The following MSI2 variants were observed in gnomAD, a reference collection of about 807,000 sequenced individuals.
MSI2 encodes RNA-binding protein Musashi homolog 2.
A neutral mutation model predicts 45.6 loss-of-function variants in MSI2; 17 were observed. The ratio of observed to expected loss-of-function variants is 0.37; its 90% confidence interval spans 0.26 to 0.56. The LOEUF (loss-of-function observed/expected upper bound fraction) is 0.56, where lower values mean the gene tolerates loss of function less well. MSI2 is among the 20% of genes least tolerant of loss of function. The probability of loss-of-function intolerance (pLI) is 0.77; values close to 1 mark genes in which losing one functional copy is unlikely to be tolerated. For missense variants in MSI2, 293 were observed against 444.2 expected (o/e 0.66, Z 3.06); for synonymous variants, 156 against 158.2 (o/e 0.99, Z 0.11).
chr17:57,449,011 C>T (rs1481921271), intron 6 of MSI2: 1 of 152,248 alleles, frequency 6.6e-6, no homozygotes, highest in Non-Finnish European at 1.5e-5. Flanking sequence ...TCTTTGTTAT[C>T]ATGAGCGGCA....
At chr17:57,258,426 G>T (rs1174698703) in intron 4 of MSI2, 72 bp downstream of exon 4, 1 of 1,218,364 alleles carries the variant, frequency 8.2e-7, no homozygotes, top group African/African-American at 1.5e-5. Context: ...CCCATTTAAA[G>T]GGACAGTGCC....
chr17:57,514,804 G>A (rs951797919), intron 6 of MSI2, among the ~76,000 whole-genome samples: 1 of 151,948 alleles, frequency 6.6e-6, no homozygotes, highest in Non-Finnish European at 1.5e-5. Flanking sequence ...TGATTTGGGT[G>A]TAAGGAGTAG....
At chr17:57,542,776 G>A (rs1158515813) in intron 7 of MSI2, among the ~76,000 whole-genome samples, 1 of 152,242 alleles carries the variant, frequency 6.6e-6, no homozygotes, top group Non-Finnish European at 1.5e-5. Flanking sequence ...TGTCTGGGCA[G>A]TCTGGCACGT....
intron 5 of MSI2, among the ~76,000 whole-genome samples, chr17:57,292,069 C>A (rs1481234643): frequency 6.6e-6 from 1 of 151,820 alleles, no homozygotes; most frequent in Non-Finnish European, 1.5e-5. Flanking sequence ...TGGGCGAGAC[C>A]TGCGTGAAAA....
At chr17:57,570,058 C>T (rs1477196921) in intron 7 of MSI2, among the ~76,000 whole-genome samples, 1 of 152,174 alleles carries the variant, frequency 6.6e-6, no homozygotes, top group African/African-American at 2.4e-5. Flanking sequence ...ATGGGACGCT[C>T]ATATGATGGA....
intron 5 of MSI2, among the ~76,000 whole-genome samples, chr17:57,286,381 C>T (rs1279824262): frequency 3.3e-5 from 5 of 152,076 alleles, no homozygotes; most frequent in African/African-American, 1.2e-4. Context: ...CCTCGACGGT[C>T]GCTAATAAGA....
chr17:57,575,133 T>G, intron 7 of MSI2, among the ~76,000 whole-genome samples: 1 of 150,226 alleles, frequency 6.7e-6, no homozygotes. Context: ...CCCGGCCGCA[T>G]TCTCTTTTTT....
intron 5 of MSI2, among the ~76,000 whole-genome samples, chr17:57,288,741 T>TTTGA (rs1270221649): frequency 6.6e-6 from 1 of 152,132 alleles, no homozygotes; most frequent in Non-Finnish European, 1.5e-5. Context: ...AGTGTGAGCG[T>TTTGA]TTGATTACCT....
In MSI2 at chr17:57,681,373, A is replaced by T. The variant is rs1204468203; in HGVS notation, c.*1856A>T. On this transcript the variant is annotated 3_prime_UTR_variant, in exon 14 of 14. Coordinates refer to ENST00000284073, the MANE Select transcript of MSI2 (RefSeq NM_138962.4). ...TTTTAAAATGTGATATTGACGTTTT[A>T]TTAATATTTTTTAAATTGTTACGTT... 5.6e-6 allele frequency: 1 copy of T among 179,474 alleles called. No homozygotes were observed. The highest frequency in any genetic ancestry group is 1.2e-5 in the Non-Finnish European group (1 of 83,814). The allele number at this position is 179,474 out of a possible 1,614,324, so 11.1% of individuals were successfully genotyped here.
intron 7 of MSI2, among the ~76,000 whole-genome samples, chr17:57,560,776 C>T (rs554754271): frequency 6.6e-6 from 1 of 152,354 alleles, no homozygotes; most frequent in South Asian, 2.1e-4. Context: ...TACGGTTCCT[C>T]GCAGCTCAGT....
chr17:57,267,284 A>T (rs1045506526), intron 5 of MSI2: 26 of 152,188 alleles, frequency 1.7e-4, no homozygotes, highest in African/African-American at 5.8e-4. Context: ...GTCGGTGAGC[A>T]CCGCTCCTTC....
chr17:57,361,875 C>T (rs1310808931), intron 5 of MSI2, among the ~76,000 whole-genome samples: 1 of 152,182 alleles, frequency 6.6e-6, no homozygotes, highest in African/African-American at 2.4e-5. Flanking sequence ...TGCCCTAAGG[C>T]CCTGTCCTGG....
intron 5 of MSI2, among the ~76,000 whole-genome samples, chr17:57,294,457 C>G (rs1429217985): frequency 6.6e-6 from 1 of 152,178 alleles, no homozygotes; most frequent in Non-Finnish European, 1.5e-5. Flanking sequence ...TATTCTTGGG[C>G]AACTCTTTGC....
chr17:57,552,023 G>C lies in MSI2; in HGVS notation c.454+22299G>C, dbSNP rs1286151437. 6.6e-6 allele frequency among the ~76,000 whole-genome samples: 1 copy of C among 152,192 alleles called. No homozygotes were observed. Among genetic ancestry groups the C allele is most frequent in the Non-Finnish European group, 1.5e-5 (1 of 68,040 alleles). ...CCTCCTACTCCACTTGCTGCATAGA[G>C]GGGTTTTCTGGAACAGAGAATGTGC... On this transcript the variant is annotated intron_variant, in intron 7 of 13. Coordinates refer to ENST00000284073, the MANE Select transcript of MSI2 (RefSeq NM_138962.4). The surrounding 1 kb of genome is among the most constrained non-coding windows in gnomAD (Gnocchi z 4.3).
upstream of MSI2, chr17:57,256,521 G>A (rs1239596817): frequency 2.7e-5 from 9 of 330,678 alleles, no homozygotes; most frequent in East Asian, 8.8e-5. Context: ...GGACGGGGGG[G>A]TGTGCGAGGC....
In MSI2 at chr17:57,627,088, T is replaced by TA. The variant is rs977415435; in HGVS notation, c.653-134dup. ...GGAGAGAGGTGACCCAGACCCTTAA[T>TA]AAAAAAACCCTCATGAGAGACAAAT... On this transcript the variant is annotated intron_variant, in intron 9 of 13. Coordinates refer to ENST00000284073, the MANE Select transcript of MSI2 (RefSeq NM_138962.4). This position sits in a 1 kb window ranked among gnomAD's most constrained non-coding sequence, Gnocchi z 4.6. 57 of 778,330 alleles carry TA rather than the reference T, an allele frequency of 7.3e-5. No homozygotes were observed. Among genetic ancestry groups the TA allele is most frequent in the African/African-American group, 6.7e-4 (39 of 58,140 alleles). 48.2% of individuals were successfully genotyped at this position (778,330 alleles called of 1,614,324 possible). A position where few individuals can be genotyped will look rare whatever the true frequency, so the allele number is the denominator to read the frequency against.
At chr17:57,289,739 A>G (rs951895931) in intron 5 of MSI2, among the ~76,000 whole-genome samples, 1 of 152,250 alleles carries the variant, frequency 6.6e-6, no homozygotes, top group African/African-American at 2.4e-5. Flanking sequence ...TGAAACACTC[A>G]GTGATGCTAC....
chr17:57,396,271 G>A (rs1258758985), intron 5 of MSI2, among the ~76,000 whole-genome samples: 1 of 151,894 alleles, frequency 6.6e-6, no homozygotes, highest in Admixed American at 6.6e-5. Context: ...TTTTCCTTGT[G>A]TGATAATGAA....
intron 7 of MSI2, among the ~76,000 whole-genome samples, chr17:57,585,006 C>T (rs1016562006): frequency 1.3e-5 from 2 of 151,874 alleles, no homozygotes; most frequent in Non-Finnish European, 2.9e-5. Context: ...TTAGTAGAGA[C>T]GGGGTTTCAC....
Sources: gnomAD v4.1 joint callset for allele counts (sites outside exome capture counted in the v4.1 genomes callset) on GRCh38, gnomAD v4.1.1 for gene constraint, Gnocchi (gnomAD v3.1) non-coding constraint, MANE v1.5 for transcripts, NCBI Gene and HGNC (gene_info 2026-07-23, HGNC 2026-07-21) for gene names.